The following NLRC5 variants were observed in gnomAD, a reference collection of about 807,000 sequenced individuals.
NLRC5 encodes NLR family CARD domain containing 5, also known as protein NLRC5.
A neutral mutation model predicts 206.9 loss-of-function variants in NLRC5; 114 were observed. The observed-to-expected ratio is 0.55, with a 90% CI of 0.47 to 0.64. The LOEUF is 0.64. Among genes scored for constraint, NLRC5 ranks in the 30% least tolerant of loss-of-function variants. NLRC5 has a pLI of 0.00. For missense variants in NLRC5, 2,008 were observed against 2,305.5 expected (o/e 0.87, Z 2.64); for synonymous variants, 952 against 962.8 (o/e 0.99, Z 0.21).
intron 14 of NLRC5, 99 bp from the exon 15 acceptor site, chr16:57,037,096 A>T: frequency 1.0e-6 from 1 of 984,608 alleles, no homozygotes; most frequent in Non-Finnish European, 1.6e-6. Flanking sequence ...TCCAGGAGTG[A>T]CAGCCAGCAA....
intron 32 of NLRC5, among the ~76,000 whole-genome samples, chr16:57,063,808 G>A (rs903134376): frequency 6.6e-6 from 1 of 151,778 alleles, no homozygotes; most frequent in South Asian, 2.1e-4. Context: ...GTGCGATCTC[G>A]GCTCACTGCA....
rs772623989 is a variant in NLRC5, at chr16:57,025,741, G to C, written c.798G>C (p.Leu266Phe). The change falls in exon 6 of 49, where the codon TTG becomes TTC. Residue 266 changes from leucine (L) to phenylalanine (F), a missense_variant. Coordinates refer to ENST00000688547, the MANE Select transcript of NLRC5 (RefSeq NM_001384950.1). The stretch of plus-strand genomic sequence containing the variant: ...TTTTTGAATTCCGCCAGCTCAACTT[G>C]ATCACGAGGTTCCTGACACCGTCCG... ...LFLFEFRQLNLITRFLTPSEL... is the reference protein window; with the variant it reads ...LFLFEFRQLNFITRFLTPSEL... The C allele has an allele frequency of 1.2e-6, 2 of 1,614,210 alleles. No individual in the cohort carries two copies. Among genetic ancestry groups the C allele is most frequent in the South Asian group, 2.2e-5 (2 of 91,082 alleles).
In NLRC5 at chr16:57,028,361, T is replaced by C. The variant is rs1205761884; in HGVS notation, c.2219T>C (p.Leu740Pro). Residue 740 changes from leucine (L) to proline (P), a missense_variant, in exon 8 of 49, where the codon CTC (leucine) becomes CCC (proline). Physicochemically the swap from Leu to Pro is moderately conservative, Grantham distance 98. Coordinates refer to ENST00000688547, the MANE Select transcript of NLRC5 (RefSeq NM_001384950.1). ...AGCCACCTGGTGAAAGCTTTGCCTC[T>C]CTGTCCACAGCTGAAAGAAGTCAGG... ...GISHLVKALP[L>P]CPQLKEVSFR... The C allele has an allele frequency of 6.2e-7, 1 of 1,614,132 alleles. No homozygotes were observed. Among genetic ancestry groups the C allele is most frequent in the Admixed American group, 1.7e-5 (1 of 60,030 alleles).
At chr16:56,994,080 G>A (rs1359776267) in intron 1 of NLRC5, among the ~76,000 whole-genome samples, 2 of 152,028 alleles carry the variant, frequency 1.3e-5, no homozygotes, top group African/African-American at 2.4e-5. Context: ...TGGGGTGGCT[G>A]GAACCTGTGT....
At chr16:57,081,040 C>A in intron 46 of NLRC5, 58 bp from the exon 47 acceptor site, 1 of 1,476,338 alleles carries the variant, frequency 6.8e-7, no homozygotes, top group Non-Finnish European at 9.2e-7. Context: ...ACTGCCTTGT[C>A]TCCACCCCTC....
In NLRC5 at chr16:57,026,134, A is replaced by G. The variant is rs755931672; in HGVS notation, c.1191A>G (p.Gly397=). The change falls in exon 6 of 49, where the codon GGA becomes GGG. Residue 397 remains glycine, a synonymous_variant. Transcript: ENST00000688547. ...CCCTGGTGGAGTTACAGACAAATGG[A>G]CGTCTCCGAAGCCTGTGTGCGGTGC... ...EGALVELQTN[G]RLRSLCAVPA... 1 of 1,614,008 alleles carries G rather than the reference A, an allele frequency of 6.2e-7. No individual in the cohort carries two copies. The highest frequency in any genetic ancestry group is 8.5e-7 in the Non-Finnish European group (1 of 1,180,028).
chr16:57,079,511 C>G (rs992052798), intron 45 of NLRC5, 35 bp from the exon 46 acceptor site: 2 of 1,581,404 alleles, frequency 1.3e-6, no homozygotes, highest in African/African-American at 2.7e-5. Flanking sequence ...ACTCAAACAA[C>G]CCCCATCCCA....
intron 36 of NLRC5, 46 bp from the exon 37 acceptor site, chr16:57,069,790 C>A: frequency 6.6e-7 from 1 of 1,523,528 alleles, no homozygotes; most frequent in Non-Finnish European, 8.9e-7. Flanking sequence ...GCTCCCAAGA[C>A]CCAGGGCGGC....
chr16:57,028,118 A>T lies in NLRC5; in HGVS notation c.2122A>T (p.Arg708Trp), dbSNP rs1339389582. ...CGDAFAEALS[R>W]SLPTMGRLQM... ...GGATGCCTTTGCAGAAGCCCTCTCC[A>T]GGAGCTTGCCGACAATGGGGAGGCT... The change falls in exon 7 of 49, where the codon AGG becomes TGG. Residue 708 changes from arginine to tryptophan, a missense_variant. Physicochemically the swap from Arg to Trp is moderately radical, Grantham distance 101 (BLOSUM62 -3). Coordinates refer to ENST00000688547, the MANE Select transcript of NLRC5 (RefSeq NM_001384950.1). The T allele has an allele frequency of 1.9e-6, 3 of 1,613,728 alleles. No homozygotes were observed. Among genetic ancestry groups the T allele is most frequent in the Admixed American group, 3.3e-5 (2 of 59,978 alleles).
At chr16:57,004,978 C>T (rs1267355174) in intron 1 of NLRC5, among the ~76,000 whole-genome samples, 1 of 152,170 alleles carries the variant, frequency 6.6e-6, no homozygotes, top group Admixed American at 6.5e-5. Flanking sequence ...TGCAACTCCA[C>T]GTGTCTGGAT....
intron 1 of NLRC5, among the ~76,000 whole-genome samples, chr16:57,008,119 G>T (rs2059116960): frequency 6.6e-6 from 1 of 151,952 alleles, no homozygotes. Context: ...CAGGCATAGT[G>T]GCTCACACCT....
chr16:57,065,568 G>A (rs1200045611), intron 33 of NLRC5, among the ~76,000 whole-genome samples: 5 of 152,180 alleles, frequency 3.3e-5, no homozygotes, highest in Non-Finnish European at 5.9e-5. Flanking sequence ...GGGAGTCCAC[G>A]CTGGTTGCTT....
intron 1 of NLRC5, chr16:56,991,052 C>T (rs1212280424): frequency 1.3e-5 from 2 of 152,100 alleles, no homozygotes; most frequent in Non-Finnish European, 1.5e-5. Context: ...TTTGGTTTCT[C>T]GTCTGTAAAA....
At chr16:57,022,414 C>T in intron 4 of NLRC5, 99 bp downstream of exon 4, 1 of 1,045,518 alleles carries the variant, frequency 9.6e-7, no homozygotes, top group South Asian at 1.4e-5. Context: ...TGGCTGGTCA[C>T]AGCCATTTCT....
chr16:57,051,885 A>T (rs1334469531), intron 24 of NLRC5, among the ~76,000 whole-genome samples: 2 of 152,114 alleles, frequency 1.3e-5, no homozygotes, highest in Non-Finnish European at 2.9e-5. Context: ...CAGTTTCCTC[A>T]TCTGACAAAT....
intron 15 of NLRC5, among the ~76,000 whole-genome samples, chr16:57,039,503 C>A (rs2063010853): frequency 6.6e-6 from 1 of 152,130 alleles, no homozygotes; most frequent in East Asian, 1.9e-4. Flanking sequence ...GGAGGATCAC[C>A]TGAGCCCAGA....
chr16:56,995,616 C>T (rs2057509390), intron 1 of NLRC5, among the ~76,000 whole-genome samples: 1 of 144,844 alleles, frequency 6.9e-6, no homozygotes, highest in African/African-American at 2.5e-5. Context: ...GATCCTGTAC[C>T]ATCGCCAGAC....
In NLRC5 at chr16:57,020,701, G is replaced by T; in HGVS notation, c.-12G>T. The T allele has an allele frequency of 6.2e-7, 1 of 1,604,138 alleles. No individual in the cohort carries two copies. Among genetic ancestry groups the T allele is most frequent in the South Asian group, 1.1e-5 (1 of 90,466 alleles). ...TCACCTATCTTCCCTGTCCCTCCAG[G>T]GCTGGCTCCTCATGGACCCCGTTGG... On this transcript the variant is annotated splice_region_variant and 5_prime_UTR_variant, in exon 3 of 49. In the 5' UTR this introduces an upstream ATG that the reference lacks. Transcript: ENST00000688547.
intron 1 of NLRC5, among the ~76,000 whole-genome samples, chr16:57,005,314 G>C (rs2058766690): frequency 6.6e-6 from 1 of 152,104 alleles, no homozygotes; most frequent in Admixed American, 6.5e-5. Context: ...TTGAAGAACA[G>C]TGGCTTAGCA....
Sources: allele counts gnomAD v4.1 joint callset (sites outside exome capture counted in the v4.1 genomes callset), GRCh38; gene constraint gnomAD v4.1.1; transcripts MANE v1.5; gene names NCBI Gene and HGNC (gene_info 2026-07-23, HGNC 2026-07-21).